Variants in KCNA2 observed in about 807,000 individuals in gnomAD.
The protein encoded by KCNA2 is potassium channel, voltage gated shaker related subfamily A, member 2.
A neutral mutation model predicts 33.4 loss-of-function variants in KCNA2; 11 were observed. That is an observed-to-expected ratio of 0.33 (90% confidence interval 0.21 to 0.55). KCNA2 has a LOEUF of 0.55. Ranked by LOEUF, KCNA2 falls within the 20% of genes least tolerant of loss-of-function variation. The pLI is 0.93. For missense variants in KCNA2, 291 were observed against 621.6 expected, an observed-to-expected ratio of 0.47 and a Z score of 5.66; for synonymous variants, 222 against 231.3, an observed-to-expected ratio of 0.96 and a Z score of 0.37.
In KCNA2 at chr1:110,603,336, T is replaced by C. The variant is rs1243365734; in HGVS notation, c.1447A>G (p.Thr483Ala). Residue 483 changes from threonine (T) to alanine (A), a missense_variant, in exon 3 of 3, where the codon ACC becomes GCC. Transcript: ENST00000316361. The surrounding 1 kb of genome is among the most constrained non-coding windows in gnomAD (Gnocchi z 5.7). Reference protein sequence around the residue: ...REENLKTANCTLANTNYVNIT... With the variant: ...REENLKTANCALANTNYVNIT... ...TTCACATAGTTTGTGTTAGCCAAGGTACAGTTGGCTGTTTTCAAGTTTTCC... is the reference window on the plus strand; with the variant it reads ...TTCACATAGTTTGTGTTAGCCAAGGCACAGTTGGCTGTTTTCAAGTTTTCC... 1.9e-6 allele frequency: 3 copies of C among 1,613,602 alleles called. No individual in the cohort carries two copies. Among genetic ancestry groups the C allele is most frequent in the Non-Finnish European group, 2.5e-6 (3 of 1,179,866 alleles).
At chr1:110,620,729 C>A (rs1197782682) in intron 1 of KCNA2, among the ~76,000 whole-genome samples, 1 of 152,132 alleles carries the variant, frequency 6.6e-6, no homozygotes, top group African/African-American at 2.4e-5. Flanking sequence ...ATCCACATAG[C>A]TCCTGAGTTT....
In KCNA2 at chr1:110,596,094, A is replaced by G; in HGVS notation, c.*7189T>C. The G allele has an allele frequency of 1.0e-6, 1 of 985,404 alleles. No homozygotes were observed. The highest frequency in any genetic ancestry group is 1.2e-6 in the Non-Finnish European group (1 of 829,916). The allele number at this position is 985,404 out of a possible 1,614,324, so 61.0% of individuals were successfully genotyped here. On this transcript the variant is annotated 3_prime_UTR_variant, in exon 3 of 3. Coordinates refer to ENST00000316361, the MANE Select transcript of KCNA2 (RefSeq NM_004974.4). The stretch of plus-strand genomic sequence containing the variant: ...GGCAGCCACCTGGGAGGGAAAGGAA[A>G]GAGGTGATCCTGTAGCCTGTTCTTT...
rs1329619536 is a variant in KCNA2, at chr1:110,594,298, T to C, written c.*8985A>G. The C allele has an allele frequency of 1.1e-6, 1 of 934,880 alleles. No individual in the cohort carries two copies. The highest frequency in any genetic ancestry group is 1.3e-6 in the Non-Finnish European group (1 of 789,924). 57.9% of individuals were successfully genotyped at this position (934,880 alleles called of 1,614,324 possible). ...TTTCCTCTCTCTCTCTCTCTCTATA[T>C]ATATATATACATATATATATATATG... On this transcript the variant is annotated 3_prime_UTR_variant, in exon 3 of 3. Transcript: ENST00000316361.
In KCNA2 at chr1:110,594,000, T is replaced by C. The variant is rs535703048; in HGVS notation, c.*9283A>G. ...CATGAGTCTTCCCCGCAAGTCCTGC[T>C]CCGCCTTCAGCTCTCATTGGTCCCC... On this transcript the variant is annotated 3_prime_UTR_variant, in exon 3 of 3. Coordinates refer to ENST00000316361, the MANE Select transcript of KCNA2 (RefSeq NM_004974.4). The C allele has an allele frequency of 4.5e-4, 689 of 1,545,416 alleles. 1 individual carries two copies. The highest frequency in any genetic ancestry group is 5.4e-4 in the Non-Finnish European group (621 of 1,144,812).
chr1:110,610,707 A>G (rs1033606487), upstream of KCNA2, among the ~76,000 whole-genome samples: 2 of 152,190 alleles, frequency 1.3e-5, no homozygotes, highest in African/African-American at 4.8e-5. Flanking sequence ...TTCTGGTCTC[A>G]GGAACAGAGA....
upstream of KCNA2, chr1:110,606,868 A>C (rs568693236): frequency 9.2e-5 from 14 of 152,432 alleles, no homozygotes; most frequent in African/African-American, 3.4e-4. Context: ...TTCTGTGCCG[A>C]AGAGGCGAAT....
At chr1:110,616,980 G>C (rs1184007213) in intron 1 of KCNA2, among the ~76,000 whole-genome samples, 2 of 152,248 alleles carry the variant, frequency 1.3e-5, no homozygotes, top group Non-Finnish European at 2.9e-5. Flanking sequence ...CCTTCACCAA[G>C]GATGGAAATT....
Position 110,596,864 on chromosome 1 carries a change from GA to G in KCNA2, c.*6418del. On this transcript the variant is annotated 3_prime_UTR_variant, in exon 3 of 3. Coordinates refer to ENST00000316361, the MANE Select transcript of KCNA2 (RefSeq NM_004974.4). ...GAGCAAGGTAGATCAAAAAAGGATG[GA>G]ATGGGACCCTGGGGTTGCCAGCCTT... 4 of 985,432 alleles carry G rather than the reference GA, an allele frequency of 4.1e-6. No individual in the cohort carries two copies. Among genetic ancestry groups the G allele is most frequent in the Non-Finnish European group, 4.8e-6 (4 of 829,944 alleles). 61.0% of individuals were successfully genotyped at this position (985,432 alleles called of 1,614,324 possible). A position where few individuals can be genotyped will look rare whatever the true frequency, so the allele number is the denominator to read the frequency against.
chr1:110,616,207 A>G (rs1299077290), intron 1 of KCNA2, among the ~76,000 whole-genome samples: 1 of 152,172 alleles, frequency 6.6e-6, no homozygotes, highest in African/African-American at 2.4e-5. Flanking sequence ...CAGATCCCCA[A>G]GTCAGCCTGG....
At position 110,599,113 on chromosome 1, in the gene KCNA2, G is replaced by A; in HGVS notation, c.*4170C>T. Reference sequence around the variant, plus strand: ...AGACTGGGAGCTGCGACCATCACTGGAAGGGAGAGTGAGACACAACGGGAT... The same window carrying A: ...AGACTGGGAGCTGCGACCATCACTGAAAGGGAGAGTGAGACACAACGGGAT... On this transcript the variant is annotated 3_prime_UTR_variant, in exon 3 of 3. Coordinates refer to ENST00000316361, the MANE Select transcript of KCNA2 (RefSeq NM_004974.4). 1 of 985,424 alleles carries A rather than the reference G, an allele frequency of 1.0e-6. No individual in the cohort carries two copies. Among genetic ancestry groups the A allele is most frequent in the Non-Finnish European group, 1.2e-6 (1 of 829,942 alleles). 61.0% of individuals were successfully genotyped at this position (985,424 alleles called of 1,614,324 possible).
At chr1:110,629,825 G>A (rs1295504030) in intron 1 of KCNA2, among the ~76,000 whole-genome samples, 2 of 152,172 alleles carry the variant, frequency 1.3e-5, no homozygotes, top group Admixed American at 6.5e-5. Context: ...TAATTAAGAC[G>A]AGAGAAAAAC....
Position 110,597,946 on chromosome 1 carries a change from T to A in KCNA2, c.*5337A>T, listed in dbSNP as rs1394811156. The A allele has an allele frequency of 1.0e-6, 1 of 985,264 alleles. No homozygotes were observed. Among genetic ancestry groups the A allele is most frequent in the Non-Finnish European group, 1.2e-6 (1 of 829,920 alleles). The allele number at this position is 985,264 out of a possible 1,614,324, so 61.0% of individuals were successfully genotyped here. A position where few individuals can be genotyped will look rare whatever the true frequency, so the allele number is the denominator to read the frequency against. ...TCCTGCATGTAGGGGAGCCCCTACC[T>A]CCATCTGTCCCTGCTGGTTGCTTTG... On this transcript the variant is annotated 3_prime_UTR_variant, in exon 3 of 3. Coordinates refer to ENST00000316361, the MANE Select transcript of KCNA2 (RefSeq NM_004974.4).
In KCNA2 at chr1:110,598,071, C is replaced by T. The variant is rs867796885; in HGVS notation, c.*5212G>A. 9.1e-6 allele frequency: 9 copies of T among 985,190 alleles called. No individual in the cohort carries two copies. Among genetic ancestry groups the T allele is most frequent in the South Asian group, 4.7e-5 (1 of 21,290 alleles). The allele number at this position is 985,190 out of a possible 1,614,324, so 61.0% of individuals were successfully genotyped here. ...AGCTCCCAGCATCCCCCTCTCTGCG[C>T]GTTGGCTCAGGTGACTGATGATGTT... On this transcript the variant is annotated 3_prime_UTR_variant, in exon 3 of 3. Coordinates refer to ENST00000316361, the MANE Select transcript of KCNA2 (RefSeq NM_004974.4).
In KCNA2 at chr1:110,594,700, G is replaced by A. The variant is rs900103267; in HGVS notation, c.*8583C>T. On this transcript the variant is annotated 3_prime_UTR_variant, in exon 3 of 3. Transcript: ENST00000316361. Reference sequence around the variant, plus strand: ...AGGAAACTGGGTCGCTGGATCCCACGTGAAGGCAGAACTGGGGCAAGCACA... The same window carrying A: ...AGGAAACTGGGTCGCTGGATCCCACATGAAGGCAGAACTGGGGCAAGCACA... 4.1e-6 allele frequency: 4 copies of A among 985,240 alleles called. No individual in the cohort carries two copies. Among genetic ancestry groups the A allele is most frequent in the Non-Finnish European group, 4.8e-6 (4 of 829,956 alleles). The allele number at this position is 985,240 out of a possible 1,614,324, so 61.0% of individuals were successfully genotyped here. A position where few individuals can be genotyped will look rare whatever the true frequency, so the allele number is the denominator to read the frequency against.
chr1:110,599,470 G>T lies in KCNA2; in HGVS notation c.*3813C>A, dbSNP rs1341371008. ...GGGCATCCAGGGGAGCCCAACAAGA[G>T]GAAAAGGAAGAGCGTGCCCGGGATT... On this transcript the variant is annotated 3_prime_UTR_variant, in exon 3 of 3. Transcript: ENST00000316361. 1 of 985,340 alleles carries T rather than the reference G, an allele frequency of 1.0e-6. No individual in the cohort carries two copies. Among genetic ancestry groups the T allele is most frequent in the African/African-American group, 1.7e-5 (1 of 57,228 alleles). 61.0% of individuals were successfully genotyped at this position (985,340 alleles called of 1,614,324 possible).
intron 1 of KCNA2, among the ~76,000 whole-genome samples, chr1:110,615,579 A>G (rs1650022803): frequency 6.6e-6 from 1 of 152,220 alleles, no homozygotes; most frequent in African/African-American, 2.4e-5. Context: ...TCCGCTCCTG[A>G]TCTTCCTTAA....
chr1:110,621,816 T>C (rs1164990622), intron 1 of KCNA2, among the ~76,000 whole-genome samples: 1 of 152,180 alleles, frequency 6.6e-6, no homozygotes, highest in East Asian at 1.9e-4. Flanking sequence ...TACCCCATAG[T>C]TATTTAAAAA....
At position 110,597,645 on chromosome 1, in the gene KCNA2, C is replaced by T. The variant is rs1334819678; in HGVS notation, c.*5638G>A. On this transcript the variant is annotated 3_prime_UTR_variant, in exon 3 of 3. Coordinates refer to ENST00000316361, the MANE Select transcript of KCNA2 (RefSeq NM_004974.4). The stretch of plus-strand genomic sequence containing the variant: ...CTCAAGAGGACAGGAGTCATGTGAA[C>T]ACGTGGGAAGAAGAAGAAACTACAG... 1 of 985,266 alleles carries T rather than the reference C, an allele frequency of 1.0e-6. No individual in the cohort carries two copies. The highest frequency in any genetic ancestry group is 1.7e-5 in the African/African-American group (1 of 57,216). 61.0% of individuals were successfully genotyped at this position (985,266 alleles called of 1,614,324 possible). A position where few individuals can be genotyped will look rare whatever the true frequency, so the allele number is the denominator to read the frequency against.
intron 2 of KCNA2, among the ~76,000 whole-genome samples, chr1:110,605,174 G>A: frequency 6.6e-6 from 1 of 152,182 alleles, no homozygotes; most frequent in East Asian, 1.9e-4. Flanking sequence ...GGGGAAGGTG[G>A]CTGGTACAGG....
Sources: gnomAD v4.1 joint callset for allele counts (sites outside exome capture counted in the v4.1 genomes callset) on GRCh38, gnomAD v4.1.1 for gene constraint, Gnocchi (gnomAD v3.1) non-coding constraint, MANE v1.5 for transcripts, NCBI Gene and HGNC (gene_info 2026-07-23, HGNC 2026-07-21) for gene names.